The following PCNX2 variants were observed in gnomAD, a reference collection of about 807,000 sequenced individuals.
PCNX2 encodes pecanex-like protein 2.
PCNX2 carries 168 observed loss-of-function variants against 223.8 expected under a neutral mutation model. That is an observed-to-expected ratio of 0.75 (90% CI 0.66 to 0.85). PCNX2 has a LOEUF of 0.85. Ranked by LOEUF, PCNX2 falls within the 40% of genes least tolerant of loss-of-function variation. PCNX2 has a pLI of 0.00. For missense variants in PCNX2, 2,507 were observed against 2,675.5 expected, an observed-to-expected ratio of 0.94 and a Z score of 1.39; for synonymous variants, 1,006 against 1,052.6, an observed-to-expected ratio of 0.96 and a Z score of 0.86.
intron 21 of PCNX2, among the ~76,000 whole-genome samples, chr1:233,097,544 G>A (rs559517222): frequency 3.7e-4 from 56 of 152,192 alleles, no homozygotes; most frequent in African/African-American, 1.3e-3. Context: ...CTTTCAGAAA[G>A]GCCACTTTTG....
At chr1:233,125,668 G>A (rs981862299) in intron 21 of PCNX2, among the ~76,000 whole-genome samples, 29 of 152,254 alleles carry the variant, frequency 1.9e-4, no homozygotes, top group African/African-American at 7.0e-4. Flanking sequence ...AAACGTCAAT[G>A]AGACTTCTCC....
chr1:233,218,117 G>A lies in PCNX2; in HGVS notation c.2572C>T (p.Leu858=), dbSNP rs1657102094. 6.9e-7 allele frequency: 1 copy of A among 1,442,504 alleles called. No individual in the cohort carries two copies. The highest frequency in any genetic ancestry group is 9.2e-7 in the Non-Finnish European group (1 of 1,083,626). The allele number at this position is 1,442,504 out of a possible 1,614,324, so 89.4% of individuals were successfully genotyped here. A position where few individuals can be genotyped will look rare whatever the true frequency, so the allele number is the denominator to read the frequency against. The change falls in exon 11 of 34, where the codon CTG becomes TTG. Residue 858 remains leucine (L), a synonymous_variant. Transcript: ENST00000258229. ...LIVLVSLLGF[L]TLSQGFCKDM... is the part of the protein sequence containing the mutation. The stretch of plus-strand genomic sequence containing the variant: ...TTGCAAAAGCCTTGGCTCAAGGTCA[G>A]AAATCCAAGGAGGGAAACCAGGACA...
Position 233,092,934 on chromosome 1 carries a change from GT to G in PCNX2, c.3947-2745del, listed in dbSNP as rs879778330. ...TTGCCTCAGCCTCCCCAGTAGCTGG[GT>G]ACACAGGCGCCCACTACCATGCCCG... is the stretch of plus-strand genomic sequence containing the variant. On this transcript the variant is annotated intron_variant, in intron 22 of 33. Coordinates refer to ENST00000258229, the MANE Select transcript of PCNX2 (RefSeq NM_014801.4). Among the ~76,000 whole-genome samples the G allele has an allele frequency of 8.6e-4, 131 of 152,228 alleles. 1 individual carries two copies. The highest frequency in any genetic ancestry group is 1.4e-3 in the Admixed American group (21 of 15,296).
At chr1:233,109,885 C>T (rs930631560) in intron 21 of PCNX2, among the ~76,000 whole-genome samples, 11 of 152,252 alleles carry the variant, frequency 7.2e-5, no homozygotes, top group East Asian at 3.9e-4. Context: ...GAGGCCCAGG[C>T]GGGCAAATCA....
intron 19 of PCNX2, among the ~76,000 whole-genome samples, chr1:233,150,189 A>G (rs1356474444): frequency 6.6e-6 from 1 of 152,168 alleles, no homozygotes; most frequent in East Asian, 1.9e-4. Flanking sequence ...TGACTAACTG[A>G]TGGATTAATA....
rs189640691 is a variant in PCNX2 at position 232,989,410 on chromosome 1, C to T, written c.5792-2870G>A. 2.9e-3 allele frequency among the ~76,000 whole-genome samples: 435 copies of T among 151,964 alleles called. 10 individuals are homozygous for T. Among genetic ancestry groups the T allele is most frequent in the Admixed American group, 0.017 (265 of 15,276 alleles). On this transcript the variant is annotated intron_variant, in intron 32 of 33. Transcript: ENST00000258229. ...CGGAGCTTGCAGTGAGCCGAGATAG[C>T]GCCACTGCCGTCCGGCCTGGGTGAA... is the stretch of plus-strand genomic sequence containing the variant.
intron 15 of PCNX2, among the ~76,000 whole-genome samples, chr1:233,198,026 T>TA (rs1680837130): frequency 6.6e-6 from 1 of 152,148 alleles, no homozygotes; most frequent in Non-Finnish European, 1.5e-5. Flanking sequence ...ATGTATACTG[T>TA]TATATTTAGA....
chr1:233,001,576 A>G lies in PCNX2; in HGVS notation c.5058T>C (p.Val1686=). 1 of 1,511,340 alleles carries G rather than the reference A, an allele frequency of 6.6e-7. No individual in the cohort carries two copies. The highest frequency in any genetic ancestry group is 1.7e-4 in the Middle Eastern group (1 of 5,740). 93.6% of individuals were successfully genotyped at this position (1,511,340 alleles called of 1,614,324 possible). A position where few individuals can be genotyped will look rare whatever the true frequency, so the allele number is the denominator to read the frequency against. The change falls in exon 29 of 34, where the codon GTT becomes GTC. Residue 1686 remains valine, a synonymous_variant. Coordinates refer to ENST00000258229, the MANE Select transcript of PCNX2 (RefSeq NM_014801.4). This position sits in a 1 kb window ranked among gnomAD's most constrained non-coding sequence, Gnocchi z 4.2. ...GGGACATCCTGATAGCTGGAGCTAC[A>G]ACTTTATGCAGTAGGTCCATGTCAG... ...VFADMDLLHK[V]VAPAIRMSLK...
At chr1:233,151,706 C>T (rs1677820872) in intron 19 of PCNX2, among the ~76,000 whole-genome samples, 1 of 152,198 alleles carries the variant, frequency 6.6e-6, no homozygotes, top group Non-Finnish European at 1.5e-5. Context: ...CAAAGTCTCA[C>T]TCTTGTTGCC....
intron 13 of PCNX2, among the ~76,000 whole-genome samples, chr1:233,203,007 C>T (rs769983921): frequency 7.8e-4 from 118 of 152,244 alleles, no homozygotes; most frequent in Non-Finnish European, 1.4e-3. Context: ...GAGCTGTAAC[C>T]CATCTTCTAT....
chr1:233,212,656 T>C (rs1184782990), intron 12 of PCNX2, among the ~76,000 whole-genome samples: 1 of 152,242 alleles, frequency 6.6e-6, no homozygotes, highest in Non-Finnish European at 1.5e-5. Context: ...GTCTCAGCAC[T>C]GCCCTCAAAG....
chr1:233,156,404 A>G (rs908353218), intron 19 of PCNX2, among the ~76,000 whole-genome samples: 3 of 152,174 alleles, frequency 2.0e-5, no homozygotes, highest in Admixed American at 2.0e-4. Context: ...TGAAGTGATG[A>G]TGGTTACATT....
At chr1:233,197,407 G>T (rs1283658672) in intron 15 of PCNX2, among the ~76,000 whole-genome samples, 2 of 152,060 alleles carry the variant, frequency 1.3e-5, no homozygotes, top group Admixed American at 1.3e-4. Context: ...GAAGTACAAG[G>T]ACTCAGAAAA....
intron 15 of PCNX2, among the ~76,000 whole-genome samples, chr1:233,179,594 T>G (rs1263215001): frequency 6.6e-6 from 1 of 152,196 alleles, no homozygotes; most frequent in Non-Finnish European, 1.5e-5. Flanking sequence ...TTAAATAGAC[T>G]AATGAACTGA....
intron 10 of PCNX2, among the ~76,000 whole-genome samples, chr1:233,220,321 T>C (rs1306783917): frequency 6.6e-6 from 1 of 152,256 alleles, no homozygotes; most frequent in African/African-American, 2.4e-5. Context: ...TGTTAGATCG[T>C]GTGGTGAACA....
intron 26 of PCNX2, among the ~76,000 whole-genome samples, chr1:233,019,538 A>C (rs1670800825): frequency 1.3e-5 from 2 of 152,134 alleles, no homozygotes; most frequent in African/African-American, 4.8e-5. Context: ...GACAATCTAT[A>C]TGAGGAACTC....
chr1:233,263,631 T>C (rs1488304646), intron 1 of PCNX2, among the ~76,000 whole-genome samples: 4 of 152,076 alleles, frequency 2.6e-5, no homozygotes, highest in Non-Finnish European at 5.9e-5. Context: ...AATTTTTGTA[T>C]TTTTAATAGA....
intron 22 of PCNX2, among the ~76,000 whole-genome samples, chr1:233,091,658 A>C (rs559999050): frequency 6.6e-6 from 1 of 150,660 alleles, no homozygotes. Context: ...TCTTGAGCCC[A>C]GGAGTTTGAG....
chr1:233,214,802 C>A (rs1292142692), intron 12 of PCNX2, among the ~76,000 whole-genome samples: 2 of 152,148 alleles, frequency 1.3e-5, no homozygotes, highest in Non-Finnish European at 2.9e-5. Context: ...AAACTAATTT[C>A]TTTTGAGCCC....
Sources: allele counts gnomAD v4.1 joint callset (sites outside exome capture counted in the v4.1 genomes callset), GRCh38; gene constraint gnomAD v4.1.1; non-coding constraint Gnocchi (gnomAD v3.1); transcripts MANE v1.5; gene names NCBI Gene and HGNC (gene_info 2026-07-23, HGNC 2026-07-21).